The following SRFBP1 variants were observed in gnomAD, a reference collection of about 807,000 sequenced individuals.
SRFBP1 encodes serum response factor binding protein 1.
SRFBP1 carries 47 observed loss-of-function variants against 45.5 expected under a neutral mutation model. That is an observed-to-expected ratio of 1.03 (90% CI 0.82 to 1.32). SRFBP1 has a LOEUF of 1.32. SRFBP1 is among the 40% of genes most tolerant of loss of function. SRFBP1 has a pLI of 0.00. For missense variants in SRFBP1, 621 were observed against 484.6 expected (o/e 1.28, Z -2.64); for synonymous variants, 203 against 166.3 (o/e 1.22, Z -1.70).
intron 3 of SRFBP1, among the ~76,000 whole-genome samples, chr5:121,991,411 A>G (rs1055195441): frequency 6.6e-6 from 1 of 152,114 alleles, no homozygotes; most frequent in African/African-American, 2.4e-5. Flanking sequence ...CAGTTAGAGA[A>G]ATAATTTGCG....
chr5:122,051,952 A>T (rs1753995074), intron 2 of SRFBP1, among the ~76,000 whole-genome samples: 1 of 152,152 alleles, frequency 6.6e-6, no homozygotes. Context: ...GATGATAATG[A>T]ATTCCCTCAG....
chr5:122,022,322 C>G (rs755350199), intron 6 of SRFBP1, 48 bp from the exon 7 acceptor site: 18 of 1,504,078 alleles, frequency 1.2e-5, no homozygotes, highest in Non-Finnish European at 1.6e-5. Flanking sequence ...TTCTTAAGAT[C>G]AGAGGATTTA....
chr5:122,057,682 A>G (rs1281909336), intron 2 of SRFBP1, among the ~76,000 whole-genome samples: 3 of 152,000 alleles, frequency 2.0e-5, no homozygotes, highest in East Asian at 3.9e-4. Context: ...GAATCTAGCA[A>G]TGTTCATTAA....
chr5:122,058,142 G>A (rs1250184006), intron 2 of SRFBP1, among the ~76,000 whole-genome samples: 1 of 152,038 alleles, frequency 6.6e-6, no homozygotes, highest in Non-Finnish European at 1.5e-5. Context: ...TTTCTTGATA[G>A]CATTATAGGG....
At chr5:121,972,623 G>C (rs2112816242) in intron 1 of SRFBP1, among the ~76,000 whole-genome samples, 1 of 152,028 alleles carries the variant, frequency 6.6e-6, no homozygotes, top group Middle Eastern at 3.4e-3. Flanking sequence ...GAAATTGGCA[G>C]ATGTTATCAT....
chr5:122,047,812 G>A (rs1354303973), intron 2 of SRFBP1, among the ~76,000 whole-genome samples: 1 of 152,160 alleles, frequency 6.6e-6, no homozygotes, highest in Admixed American at 6.5e-5. Context: ...TGAAGCAAGT[G>A]TGAATGGGAG....
At position 122,020,176 on chromosome 5, in the gene SRFBP1, T is replaced by C; in HGVS notation, c.441T>C (p.Asn147=). Residue 147 remains asparagine (N), a synonymous_variant, in exon 6 of 8, where the codon AAT becomes AAC. Coordinates refer to ENST00000339397, the MANE Select transcript of SRFBP1 (RefSeq NM_152546.3). ...CTTCAGAGGACAATCATTCTGAGAA[T>C]ACTTTGTATTCAAATGATAATGGAA... ...KNASEDNHSE[N]TLYSNDNGSN... 1.9e-6 allele frequency: 3 copies of C among 1,610,404 alleles called. No individual in the cohort carries two copies. The highest frequency in any genetic ancestry group is 2.2e-5 in the East Asian group (1 of 44,856).
Position 122,026,938 on chromosome 5 carries a change from C to G in SRFBP1, c.1106-4C>G, listed in dbSNP as rs767573261. On this transcript the variant is annotated splice_polypyrimidine_tract_variant and splice_region_variant and intron_variant, in intron 7 of 7. Transcript: ENST00000339397. ...TTATTATTATTTTTGCTTTCTCTTCCTAGATTTTCCACAGAATGAGCCTCA... is the reference window on the plus strand; with the variant it reads ...TTATTATTATTTTTGCTTTCTCTTCGTAGATTTTCCACAGAATGAGCCTCA... 1 of 1,596,220 alleles carries G rather than the reference C, an allele frequency of 6.3e-7. No individual in the cohort carries two copies. The highest frequency in any genetic ancestry group is 1.1e-5 in the South Asian group (1 of 87,166).
intron 1 of SRFBP1, among the ~76,000 whole-genome samples, chr5:121,970,012 A>G (rs2112813797): frequency 6.6e-6 from 1 of 152,282 alleles, no homozygotes; most frequent in Non-Finnish European, 1.5e-5. Flanking sequence ...ATGTACTGCC[A>G]TTAAGCAGTG....
At chr5:121,993,378 G>C (rs901737322) in intron 3 of SRFBP1, among the ~76,000 whole-genome samples, 1 of 152,092 alleles carries the variant, frequency 6.6e-6, no homozygotes, top group East Asian at 1.9e-4. Context: ...GATTCTGATG[G>C]TCTTGTTTAA....
intron 1 of SRFBP1, among the ~76,000 whole-genome samples, chr5:121,967,270 C>T (rs186864161): frequency 2.1e-3 from 323 of 152,226 alleles, no homozygotes; most frequent in Non-Finnish European, 3.9e-3. Flanking sequence ...AGTTACAAAA[C>T]GCTTGTGTCG....
At chr5:122,074,095 C>G (rs1293953350) in intron 2 of SRFBP1, 1 of 1,614,072 alleles carries the variant, frequency 6.2e-7, no homozygotes, top group Non-Finnish European at 8.5e-7. Context: ...TGCTTTGTGG[C>G]CTTCAGCCAC....
intron 2 of SRFBP1, among the ~76,000 whole-genome samples, chr5:122,045,274 G>C (rs1753837704): frequency 6.6e-6 from 1 of 152,156 alleles, no homozygotes; most frequent in African/African-American, 2.4e-5. Flanking sequence ...AGTATAGTTT[G>C]AAGTCAGGTA....
intron 2 of SRFBP1, among the ~76,000 whole-genome samples, chr5:122,050,530 G>C (rs1371308996): frequency 1.3e-5 from 2 of 152,098 alleles, no homozygotes; most frequent in Non-Finnish European, 2.9e-5. Flanking sequence ...TGGGTGCATA[G>C]AAGTGTTCAT....
chr5:122,005,714 G>A (rs1395105856), intron 4 of SRFBP1, among the ~76,000 whole-genome samples: 3 of 152,010 alleles, frequency 2.0e-5, no homozygotes, highest in African/African-American at 4.8e-5. Flanking sequence ...TGGCTGTTTT[G>A]TAGCTCCTTT....
In SRFBP1 at chr5:122,035,598, G is replaced by A. The variant is rs189364052; in HGVS notation, n.311+13191G>A. Among the ~76,000 whole-genome samples, 10 of 152,206 alleles carry A rather than the reference G, an allele frequency of 6.6e-5. No homozygotes were observed. In the East Asian group the frequency reaches 1.9e-3, roughly 29 times the overall value. ...TGGATTCAAGAAAATTTATGATTTT[G>A]TAATTTTTTCTATTAGAATTTTTAG... On this transcript the variant is annotated intron_variant and non_coding_transcript_variant, in intron 2 of 2. Transcript: ENST00000504881.
chr5:121,989,434 A>G (rs1362492532), intron 3 of SRFBP1, among the ~76,000 whole-genome samples: 1 of 152,166 alleles, frequency 6.6e-6, no homozygotes, highest in Admixed American at 6.5e-5. Context: ...TAGCATTAAC[A>G]ATATACACTA....
intron 2 of SRFBP1, among the ~76,000 whole-genome samples, chr5:122,051,488 C>G (rs112561001): frequency 0.028 from 4,259 of 151,132 alleles, 220 homozygotes; most frequent in African/African-American, 0.098. Context: ...TTGAATTAAA[C>G]GCTTTATCAT....
chr5:122,062,235 A>G (rs1418460341), intron 2 of SRFBP1, among the ~76,000 whole-genome samples: 4 of 151,934 alleles, frequency 2.6e-5, no homozygotes, highest in African/African-American at 9.7e-5. Context: ...GGAAATCAAT[A>G]TTGTCCTAAT....
Sources: gnomAD v4.1 joint callset for allele counts (sites outside exome capture counted in the v4.1 genomes callset) on GRCh38, gnomAD v4.1.1 for gene constraint, MANE v1.5 for transcripts, NCBI Gene and HGNC (gene_info 2026-07-23, HGNC 2026-07-21) for gene names.